Variants in CDC27 observed in about 807,000 individuals in gnomAD.
The protein encoded by CDC27 is cell division cycle 27, also known as cell division cycle protein 27 homolog.
CDC27 carries 27 observed loss-of-function variants against 109.7 expected under a neutral mutation model. The ratio of observed to expected loss-of-function variants is 0.25; its 90% CI spans 0.18 to 0.34. The LOEUF (loss-of-function observed/expected upper bound fraction) is 0.34, where lower values mean the gene tolerates loss of function less well. CDC27 is among the 10% of genes least tolerant of loss of function. The probability of loss-of-function intolerance (pLI) is 1.00; values close to 1 mark genes in which losing one functional copy is unlikely to be tolerated. For missense variants in CDC27, 579 were observed against 960.2 expected, an observed-to-expected ratio of 0.60 and a Z score of 5.25; for synonymous variants, 266 against 333.9, an observed-to-expected ratio of 0.80 and a Z score of 2.22.
At chr17:47,186,006 T>G (rs2064420716) in intron 1 of CDC27, among the ~76,000 whole-genome samples, 1 of 152,196 alleles carries the variant, frequency 6.6e-6, no homozygotes, top group Non-Finnish European at 1.5e-5. Context: ...ATGCACAGCT[T>G]CCAACAAAGT....
chr17:47,144,855 T>G (rs2062905729), intron 9 of CDC27, among the ~76,000 whole-genome samples: 1 of 131,546 alleles, frequency 7.6e-6, no homozygotes, highest in Non-Finnish European at 1.7e-5. Context: ...CCTCTGTATA[T>G]GCATGTGTGT....
At chr17:47,133,020 T>TAC (rs1354861842) in intron 14 of CDC27, among the ~76,000 whole-genome samples, 8 of 46,080 alleles carry the variant, frequency 1.7e-4, no homozygotes, top group African/African-American at 5.2e-4. Flanking sequence ...TATATATATA[T>TAC]ATATATATAC....
Position 47,129,437 on chromosome 17 carries a change from T to G in CDC27, c.2116A>C (p.Lys706Gln), listed in dbSNP as rs759723257. ...AATAAAACTGAGGCTCTGTGAAATT[T>G]GCATAGAGGGTTCTTGGGATCAATG... ...IVIDPKNPLCKFHRASVLFAN... is the reference protein window; with the variant it reads ...IVIDPKNPLCQFHRASVLFAN... Residue 706 changes from lysine to glutamine, a missense_variant, in exon 16 of 19, where the codon AAA becomes CAA. Transcript: ENST00000066544. The G allele has an allele frequency of 6.2e-7, 1 of 1,612,188 alleles. No homozygotes were observed. The highest frequency in any genetic ancestry group is 1.7e-5 in the Admixed American group (1 of 59,972).
At chr17:47,188,608 G>T in intron 1 of CDC27, 1 of 345,888 alleles carries the variant, frequency 2.9e-6, no homozygotes, top group Non-Finnish European at 4.1e-6. Flanking sequence ...TGTCCGGTGG[G>T]AAATTCACCG....
At chr17:47,139,577 T>C (rs1422230061) in intron 12 of CDC27, among the ~76,000 whole-genome samples, 1 of 152,174 alleles carries the variant, frequency 6.6e-6, no homozygotes, top group Non-Finnish European at 1.5e-5. Context: ...AGAATAACTC[T>C]TTTAGGAAAG....
rs369937187 is a variant in CDC27, at chr17:47,141,264, G to A, written c.1551+589C>T. Among the ~76,000 whole-genome samples, 5 of 152,008 alleles carry A rather than the reference G, an allele frequency of 3.3e-5. No homozygotes were observed. The East Asian group carries it at 9.6e-4, about 29-fold the overall frequency. On this transcript the variant is annotated intron_variant, in intron 12 of 18. Transcript: ENST00000066544. ...CTAAAAGGTTTCTTTTTTTAAGTTG[G>A]GGGTGGAGAAAATGCTTTGGGAAGA...
chr17:47,120,857 AAGACTCAGTATAC>A lies in CDC27; in HGVS notation c.*65_*77del, dbSNP rs1285385484. 2 of 1,015,764 alleles carry A rather than the reference AAGACTCAGTATAC, an allele frequency of 2.0e-6. No individual in the cohort carries two copies. The highest frequency in any genetic ancestry group is 3.1e-6 in the Non-Finnish European group (2 of 652,800). 62.9% of individuals were successfully genotyped at this position (1,015,764 alleles called of 1,614,324 possible). A position where few individuals can be genotyped will look rare whatever the true frequency, so the allele number is the denominator to read the frequency against. On this transcript the variant is annotated 3_prime_UTR_variant, in exon 19 of 19. Coordinates refer to ENST00000066544, the MANE Select transcript of CDC27 (RefSeq NM_001256.6). ...CGATGACACCGCCAGCTCAAGAGTA[AAGACTCAGTATAC>A]AGAGGGACAAGAAACACGTCAGCAC... is the stretch of plus-strand genomic sequence containing the variant.
intron 3 of CDC27, among the ~76,000 whole-genome samples, chr17:47,170,687 T>C (rs1321702067): frequency 1.3e-5 from 2 of 152,176 alleles, no homozygotes; most frequent in Non-Finnish European, 2.9e-5. Context: ...AGAAGATGAT[T>C]ACTATACTGG....
chr17:47,164,619 C>T (rs2063590741), intron 4 of CDC27, among the ~76,000 whole-genome samples: 2 of 152,144 alleles, frequency 1.3e-5, no homozygotes, highest in South Asian at 4.1e-4. Flanking sequence ...GAATTTGAGA[C>T]CAGCCTGGCC....
chr17:47,182,138 A>G (rs2064266637), intron 1 of CDC27, among the ~76,000 whole-genome samples: 1 of 152,206 alleles, frequency 6.6e-6, no homozygotes, highest in Non-Finnish European at 1.5e-5. Flanking sequence ...CATGACAGAG[A>G]TATTAAAATG....
intron 16 of CDC27, among the ~76,000 whole-genome samples, chr17:47,128,756 G>A (rs1049740165): frequency 2.7e-5 from 4 of 149,914 alleles, no homozygotes; most frequent in African/African-American, 9.8e-5. Flanking sequence ...TTCTTTTTCT[G>A]TTTTTTAATT....
At chr17:47,126,024 AAT>A (rs2062130057) in intron 16 of CDC27, among the ~76,000 whole-genome samples, 1 of 152,240 alleles carries the variant, frequency 6.6e-6, no homozygotes, top group Non-Finnish European at 1.5e-5. Flanking sequence ...CTCATTGAGA[AAT>A]AGTGTCTCAC....
chr17:47,136,180 TA>T (rs2062582525), intron 14 of CDC27, among the ~76,000 whole-genome samples: 2 of 152,096 alleles, frequency 1.3e-5, no homozygotes, highest in South Asian at 4.2e-4. Context: ...ACTGAGTTCT[TA>T]AAATATTACA....
chr17:47,140,813 A>C (rs1299541573), intron 12 of CDC27, among the ~76,000 whole-genome samples: 1 of 152,198 alleles, frequency 6.6e-6, no homozygotes, highest in Non-Finnish European at 1.5e-5. Flanking sequence ...TCTGTTCTGT[A>C]CTATTCAAAA....
chr17:47,163,498 T>C (rs2063555612), intron 4 of CDC27, among the ~76,000 whole-genome samples: 1 of 152,036 alleles, frequency 6.6e-6, no homozygotes, highest in Admixed American at 6.6e-5. Flanking sequence ...CCCAGGAGCT[T>C]AAGACCAGCC....
At chr17:47,125,812 G>A (rs1228781684) in intron 16 of CDC27, among the ~76,000 whole-genome samples, 2 of 152,176 alleles carry the variant, frequency 1.3e-5, no homozygotes, top group Admixed American at 6.5e-5. Flanking sequence ...AAAGTGCTGG[G>A]ATTACAGGCG....
chr17:47,176,980 G>A (rs2064038731), intron 2 of CDC27, among the ~76,000 whole-genome samples: 1 of 151,990 alleles, frequency 6.6e-6, no homozygotes, highest in South Asian at 2.1e-4. Flanking sequence ...TCAGTATCCT[G>A]GTTAATAGAA....
At chr17:47,183,782 T>C (rs1330981293) in intron 1 of CDC27, among the ~76,000 whole-genome samples, 3 of 152,202 alleles carry the variant, frequency 2.0e-5, no homozygotes, top group Non-Finnish European at 4.4e-5. Context: ...CATTATGTGC[T>C]TTTAAAGCAG....
intron 4 of CDC27, among the ~76,000 whole-genome samples, chr17:47,166,501 T>A (rs1377577359): frequency 6.6e-6 from 1 of 152,128 alleles, no homozygotes; most frequent in African/African-American, 2.4e-5. Flanking sequence ...CTCTCTTTCT[T>A]TTTTGGGGTC....
Sources: allele counts gnomAD v4.1 joint callset (sites outside exome capture counted in the v4.1 genomes callset), GRCh38; gene constraint gnomAD v4.1.1; transcripts MANE v1.5; gene names NCBI Gene and HGNC (gene_info 2026-07-23, HGNC 2026-07-21).